Variants in COL25A1 observed in about 807,000 individuals in gnomAD.
The protein encoded by COL25A1 is collagen alpha-1(XXV) chain.
Under a neutral mutation model 128.4 loss-of-function variants are expected in COL25A1, and 103 were observed. The ratio of observed to expected loss-of-function variants is 0.80; its 90% CI spans 0.68 to 0.94. COL25A1 has a LOEUF of 0.94. Among genes scored for constraint, COL25A1 ranks in the 40% least tolerant of loss-of-function variants. COL25A1 has a pLI of 0.00. For synonymous variants in COL25A1, 279 were observed against 277.2 expected (o/e 1.01, Z -0.06); for missense variants, 745 against 840.0 (o/e 0.89, Z 1.40).
In COL25A1 at chr4:108,973,956, T is replaced by C. The variant is rs540036557; in HGVS notation, c.492+411A>G. ...TATGTAAAATGCACTGATAATTTTA[T>C]CTGTAAAAAAACATTTATGCAATAG... On this transcript the variant is annotated intron_variant, in intron 8 of 37. Coordinates refer to ENST00000399132, the MANE Select transcript of COL25A1 (RefSeq NM_198721.4). 3.9e-5 allele frequency among the ~76,000 whole-genome samples: 6 copies of C among 152,366 alleles called. No individual in the cohort carries two copies. The East Asian group carries it at 9.6e-4, about 24-fold the overall frequency.
chr4:108,879,712 G>T lies in COL25A1; in HGVS notation c.1020+4466C>A, dbSNP rs547441409. Among the ~76,000 whole-genome samples the T allele has an allele frequency of 1.2e-3, 181 of 152,194 alleles. 1 individual carries two copies. Among genetic ancestry groups the T allele is most frequent in the Middle Eastern group, 3.4e-3 (1 of 294 alleles). ...TCCACCCGCCTCGGCCTCCCAAAGT[G>T]CTGGGATTACAGGCGTGAGCCACCG... On this transcript the variant is annotated intron_variant, in intron 19 of 37. Coordinates refer to ENST00000399132, the MANE Select transcript of COL25A1 (RefSeq NM_198721.4).
At chr4:108,834,236 C>A (rs184926509) in intron 31 of COL25A1, 2 of 1,063,880 alleles carry the variant, frequency 1.9e-6, no homozygotes, top group East Asian at 2.7e-5. Flanking sequence ...TCCCCTTTTA[C>A]TCCAGCTCTA....
At chr4:109,286,697 T>C (rs1723923903) in intron 3 of COL25A1, among the ~76,000 whole-genome samples, 2 of 152,162 alleles carry the variant, frequency 1.3e-5, no homozygotes, top group South Asian at 2.1e-4. Flanking sequence ...AAGCATCCTA[T>C]GACGCACAGA....
chr4:109,114,723 G>C (rs1170519517), intron 3 of COL25A1, among the ~76,000 whole-genome samples: 4 of 152,062 alleles, frequency 2.6e-5, no homozygotes, highest in Admixed American at 1.3e-4. Context: ...GCCAACCCTA[G>C]AGAATGGGGT....
intron 5 of COL25A1, among the ~76,000 whole-genome samples, chr4:109,035,710 T>A (rs190326309): frequency 1.3e-5 from 2 of 152,180 alleles, no homozygotes; most frequent in East Asian, 1.9e-4. Flanking sequence ...AATCTACACA[T>A]AGGAAACTTC....
chr4:109,218,738 A>T (rs971074176), intron 3 of COL25A1, among the ~76,000 whole-genome samples: 1 of 152,024 alleles, frequency 6.6e-6, no homozygotes, highest in African/African-American at 2.4e-5. Flanking sequence ...AACACATCAC[A>T]TGTCCCTGAA....
chr4:108,823,188 C>T (rs1317882288), intron 35 of COL25A1, among the ~76,000 whole-genome samples: 1 of 152,160 alleles, frequency 6.6e-6, no homozygotes, highest in African/African-American at 2.4e-5. Flanking sequence ...CATAAATTAA[C>T]CTGAGAAATA....
chr4:109,269,852 G>A (rs1198898216), intron 3 of COL25A1, among the ~76,000 whole-genome samples: 7 of 152,228 alleles, frequency 4.6e-5, no homozygotes, highest in African/African-American at 1.2e-4. Context: ...CCAGCAGCAC[G>A]TCAAAAAGCT....
intron 3 of COL25A1, among the ~76,000 whole-genome samples, chr4:109,079,178 G>A (rs369162466): frequency 6.6e-6 from 1 of 152,270 alleles, no homozygotes; most frequent in East Asian, 1.9e-4. Flanking sequence ...GATTCAGACT[G>A]AACTAAAGTA....
At chr4:109,152,889 G>A (rs1268658778) in intron 3 of COL25A1, among the ~76,000 whole-genome samples, 1 of 152,110 alleles carries the variant, frequency 6.6e-6, no homozygotes, top group Non-Finnish European at 1.5e-5. Context: ...GTACTGAGGG[G>A]TGGAAAATGG....
chr4:109,301,665 A>G, intron 2 of COL25A1, 58 bp downstream of exon 2: 1 of 1,559,842 alleles, frequency 6.4e-7, no homozygotes, highest in Non-Finnish European at 8.7e-7. Context: ...AGTCATGCAC[A>G]CAGAGTCACG....
At chr4:109,210,760 C>T (rs1777429206) in intron 3 of COL25A1, among the ~76,000 whole-genome samples, 1 of 152,050 alleles carries the variant, frequency 6.6e-6, no homozygotes, top group Admixed American at 6.6e-5. Flanking sequence ...AGCTGTTTCC[C>T]CTGTTCCTGG....
At chr4:108,846,061 A>C in intron 28 of COL25A1, 78 bp downstream of exon 28, 1 of 949,514 alleles carries the variant, frequency 1.1e-6, no homozygotes, top group Non-Finnish European at 1.7e-6. Flanking sequence ...TAATAATATA[A>C]CTCTTTTCTG....
intron 3 of COL25A1, among the ~76,000 whole-genome samples, chr4:109,143,084 A>G (rs562386884): frequency 9.2e-5 from 14 of 152,150 alleles, no homozygotes; most frequent in African/African-American, 2.9e-4. Context: ...TCCTTCAGGA[A>G]CTCTTGTAAG....
intron 3 of COL25A1, among the ~76,000 whole-genome samples, chr4:109,292,101 T>C (rs1724523173): frequency 6.6e-6 from 1 of 152,036 alleles, no homozygotes; most frequent in Non-Finnish European, 1.5e-5. Flanking sequence ...TATGGAGTCC[T>C]AAGGTTCTTT....
At chr4:109,045,978 T>C (rs1333005658) in intron 5 of COL25A1, among the ~76,000 whole-genome samples, 1 of 152,174 alleles carries the variant, frequency 6.6e-6, no homozygotes. Context: ...ACCCATGGCC[T>C]GACAAACCCA....
At chr4:109,202,219 T>G (rs1776607648) in intron 3 of COL25A1, among the ~76,000 whole-genome samples, 1 of 152,068 alleles carries the variant, frequency 6.6e-6, no homozygotes, top group African/African-American at 2.4e-5. Context: ...CAAAACTTAC[T>G]ATAAAGCCAG....
chr4:109,076,601 G>A (rs1408156965), intron 3 of COL25A1, among the ~76,000 whole-genome samples: 3 of 152,094 alleles, frequency 2.0e-5, no homozygotes, highest in African/African-American at 7.2e-5. Flanking sequence ...GGACCCAGTG[G>A]CCAGGGGTGG....
chr4:108,958,110 T>C (rs1290736684), intron 8 of COL25A1, among the ~76,000 whole-genome samples: 2 of 152,084 alleles, frequency 1.3e-5, no homozygotes, highest in Non-Finnish European at 1.5e-5. Context: ...CTCAGATAAA[T>C]TAACTTTCAA....
Sources: gnomAD v4.1 joint callset for allele counts (sites outside exome capture counted in the v4.1 genomes callset) on GRCh38, gnomAD v4.1.1 for gene constraint, MANE v1.5 for transcripts, NCBI Gene and HGNC (gene_info 2026-07-23, HGNC 2026-07-21) for gene names.